PHF24: variants seen among roughly 807,000 people sequenced by gnomAD.
PHF24 encodes the protein PHD finger protein 24.
Under a neutral mutation model 42.6 loss-of-function variants are expected in PHF24, and 25 were observed. The observed-to-expected ratio is 0.59, with a 90% CI of 0.43 to 0.82. The LOEUF (loss-of-function observed/expected upper bound fraction) is 0.82. Among genes scored for constraint, PHF24 ranks in the 40% least tolerant of loss-of-function variants. The pLI, the probability that PHF24 is intolerant of heterozygous loss-of-function variation, is 0.00. For synonymous variants in PHF24, 185 were observed against 204.8 expected (o/e 0.90, Z 0.83); for missense variants, 470 against 538.1 (o/e 0.87, Z 1.25).
At chr9:34,740,234 C>T in the PHF24 span, among the ~76,000 whole-genome samples, 1 of 152,222 alleles carries the variant, frequency 6.6e-6, no homozygotes, top group African/African-American at 2.4e-5. Context: ...GCCGTGCGCC[C>T]GCACTCCTCA....
the PHF24 span, among the ~76,000 whole-genome samples, chr9:34,837,974 G>T: frequency 1.3e-5 from 2 of 152,156 alleles, no homozygotes; most frequent in Non-Finnish European, 2.9e-5. Flanking sequence ...AGAAAGGATA[G>T]TACAGATCAA....
At chr9:34,976,095 C>A in intron 3 of PHF24, 57 bp from the exon 4 acceptor site, 1 of 1,205,916 alleles carries the variant, frequency 8.3e-7, no homozygotes, top group African/African-American at 1.5e-5. Context: ...GCCCCCTTGA[C>A]CCTGGCCTTT....
the PHF24 span, among the ~76,000 whole-genome samples, chr9:34,937,598 T>C: frequency 4.0e-5 from 6 of 149,512 alleles, no homozygotes; most frequent in African/African-American, 1.2e-4. Context: ...TATTGTCCTG[T>C]GACCCTGCCA....
the PHF24 span, among the ~76,000 whole-genome samples, chr9:34,716,033 TG>T: frequency 6.6e-6 from 1 of 152,140 alleles, no homozygotes; most frequent in South Asian, 2.1e-4. Flanking sequence ...TGGGGTGGGC[TG>T]GGGCCCATGG....
chr9:34,874,952 C>T, the PHF24 span, among the ~76,000 whole-genome samples: 1 of 152,076 alleles, frequency 6.6e-6, no homozygotes, highest in Non-Finnish European at 1.5e-5. Flanking sequence ...CTTTGGGTTA[C>T]AAACAATCTA....
chr9:34,874,312 G>A, the PHF24 span, among the ~76,000 whole-genome samples: 1 of 152,156 alleles, frequency 6.6e-6, no homozygotes, highest in African/African-American at 2.4e-5. Flanking sequence ...TGCCCATTCA[G>A]TATGCAGAAA....
chr9:34,806,357 A>C, the PHF24 span, among the ~76,000 whole-genome samples: 1 of 152,344 alleles, frequency 6.6e-6, no homozygotes, highest in African/African-American at 2.4e-5. Context: ...GGGGTTTAAA[A>C]AAATCTTTAC....
At chr9:34,894,602 C>G in the PHF24 span, 1 of 397,688 alleles carries the variant, frequency 2.5e-6, no homozygotes, top group Non-Finnish European at 4.4e-6. Flanking sequence ...TACTGAAAAC[C>G]CCAGAGTCAG....
chr9:34,909,718 C>T, the PHF24 span, among the ~76,000 whole-genome samples: 31,345 of 151,324 alleles, frequency 0.21, 3,787 homozygotes, highest in South Asian at 0.4. Context: ...GCCTCCCGGG[C>T]TCACGCCATT....
the PHF24 span, chr9:34,690,957 C>T: frequency 1.5e-5 from 11 of 740,968 alleles, no homozygotes; most frequent in Admixed American, 3.1e-5. Flanking sequence ...CCAGGCTCAC[C>T]GAAATATACA....
chr9:34,857,837 A>G, the PHF24 span, among the ~76,000 whole-genome samples: 1 of 152,088 alleles, frequency 6.6e-6, no homozygotes, highest in Non-Finnish European at 1.5e-5. Context: ...TGTTGATGCT[A>G]TTGCATTTTT....
the PHF24 span, among the ~76,000 whole-genome samples, chr9:34,712,856 A>T: frequency 6.6e-6 from 1 of 152,138 alleles, no homozygotes; most frequent in African/African-American, 2.4e-5. Flanking sequence ...TCCCATCATC[A>T]ATATTTATTG....
At chr9:34,691,922 G>A in the PHF24 span, among the ~76,000 whole-genome samples, 1 of 152,208 alleles carries the variant, frequency 6.6e-6, no homozygotes, top group African/African-American at 2.4e-5. Flanking sequence ...CAAAGGAACA[G>A]CTGGAGGGAG....
the PHF24 span, among the ~76,000 whole-genome samples, chr9:34,666,552 ATTTTTTTT>A: frequency 5.3e-5 from 7 of 132,610 alleles, no homozygotes; most frequent in East Asian, 1.6e-3. Context: ...TCTTCTTGTG[ATTTTTTTT>A]TTTTTTTTTT....
At chr9:34,767,936 G>T in the PHF24 span, among the ~76,000 whole-genome samples, 1 of 152,196 alleles carries the variant, frequency 6.6e-6, no homozygotes, top group Admixed American at 6.5e-5. Flanking sequence ...TATTCTGGAT[G>T]CGTGCACATC....
chr9:34,927,477 T>C, the PHF24 span, among the ~76,000 whole-genome samples: 1 of 152,120 alleles, frequency 6.6e-6, no homozygotes, highest in South Asian at 2.1e-4. Context: ...GCTCTCCTAA[T>C]CTGGAGCAAT....
chr9:34,747,567 T>C, the PHF24 span, among the ~76,000 whole-genome samples: 1,888 of 152,266 alleles, frequency 0.012, 23 homozygotes, highest in Admixed American at 0.028. Context: ...TCACTTGAAA[T>C]CTCAGAAATA....
intron 1 of PHF24, 97 bp from the exon 2 acceptor site, chr9:34,971,198 A>G: frequency 7.4e-7 from 1 of 1,359,112 alleles, no homozygotes; most frequent in Non-Finnish European, 1.0e-6. Flanking sequence ...GAAGAGGGAG[A>G]AACTGTTTAA....
At chr9:34,736,191 C>G in the PHF24 span, among the ~76,000 whole-genome samples, 4 of 152,042 alleles carry the variant, frequency 2.6e-5, no homozygotes, top group Non-Finnish European at 5.9e-5. Context: ...CATCCAAGAG[C>G]TGTGGCACAA....
Sources: allele counts gnomAD v4.1 joint callset (sites outside exome capture counted in the v4.1 genomes callset), GRCh38; gene constraint gnomAD v4.1.1; transcripts MANE v1.5; gene names NCBI Gene and HGNC (gene_info 2026-07-23, HGNC 2026-07-21).